Variants in VEGFC observed in about 807,000 individuals in gnomAD.
The protein encoded by VEGFC is vascular endothelial growth factor C.
A neutral mutation model predicts 46.1 loss-of-function variants in VEGFC; 12 were observed. The ratio of observed to expected loss-of-function variants is 0.26; its 90% confidence interval spans 0.17 to 0.42. VEGFC has a LOEUF of 0.42. Ranked by LOEUF, VEGFC falls within the 10% of genes least tolerant of loss-of-function variation. The pLI, the probability that VEGFC is intolerant of heterozygous loss-of-function variation, is 1.00. For synonymous variants in VEGFC, 232 were observed against 195.5 expected (o/e 1.19, Z -1.56); for missense variants, 488 against 529.4 (o/e 0.92, Z 0.77).
At chr4:176,787,260 C>A (rs115983862) in intron 1 of VEGFC, among the ~76,000 whole-genome samples, 2,094 of 151,898 alleles carry the variant, frequency 0.014, 37 homozygotes, top group Middle Eastern at 0.11. Flanking sequence ...AGTTTGAAAC[C>A]AGCTTCGCCT....
At chr4:176,785,203 GA>G (rs1215610029) in intron 1 of VEGFC, among the ~76,000 whole-genome samples, 1 of 152,198 alleles carries the variant, frequency 6.6e-6, no homozygotes, top group Non-Finnish European at 1.5e-5. Flanking sequence ...ATTTAGGGAT[GA>G]AGTTTTAGGT....
At chr4:176,711,231 T>C (rs1734614739) in intron 4 of VEGFC, among the ~76,000 whole-genome samples, 1 of 152,202 alleles carries the variant, frequency 6.6e-6, no homozygotes, top group African/African-American at 2.4e-5. Flanking sequence ...TACTGATATT[T>C]TATGAACACT....
At chr4:176,780,136 T>C (rs1225612145) in intron 1 of VEGFC, among the ~76,000 whole-genome samples, 4 of 152,028 alleles carry the variant, frequency 2.6e-5, no homozygotes, top group Non-Finnish European at 5.9e-5. Flanking sequence ...TCCCAACACT[T>C]TGGGAGGCAG....
Position 176,709,257 on chromosome 4 carries a change from C to T in VEGFC, c.704+2242G>A, listed in dbSNP as rs1734582882. On this transcript the variant is annotated intron_variant, in intron 4 of 6. Transcript: ENST00000618562. ...AAAATAAGGCAAATGCTGCTGCTGA[C>T]CTTCTAGATGATTTTGTTAAGGGTT... is the stretch of plus-strand genomic sequence containing the variant. Among the ~76,000 whole-genome samples, 7 of 152,234 alleles carry T rather than the reference C, an allele frequency of 4.6e-5. 1 individual carries two copies. The South Asian group carries it at 1.5e-3, about 32-fold the overall frequency.
chr4:176,687,118 G>C lies in VEGFC; in HGVS notation c.1145+69C>G, dbSNP rs1734054837. The C allele has an allele frequency of 7.3e-6, 11 of 1,502,878 alleles. No homozygotes were observed. The South Asian group carries it at 1.2e-4, about 16-fold the overall frequency. The allele number at this position is 1,502,878 out of a possible 1,614,324, so 93.1% of individuals were successfully genotyped here. A position where few individuals can be genotyped will look rare whatever the true frequency, so the allele number is the denominator to read the frequency against. On this transcript the variant is annotated intron_variant, in intron 6 of 6. Coordinates refer to ENST00000618562, the MANE Select transcript of VEGFC (RefSeq NM_005429.5). ...AACAAGCAATTGTTACTTTGGTTAA[G>C]AAAACTGCTTTTGGTTTAGAGCATA...
chr4:176,684,685 A>G (rs1185617243), intron 6 of VEGFC, among the ~76,000 whole-genome samples: 1 of 152,096 alleles, frequency 6.6e-6, no homozygotes, highest in Non-Finnish European at 1.5e-5. Flanking sequence ...AGGACAAATT[A>G]TCAATTGGTC....
intron 1 of VEGFC, among the ~76,000 whole-genome samples, chr4:176,755,837 T>C (rs1735424058): frequency 6.6e-6 from 1 of 152,060 alleles, no homozygotes; most frequent in African/African-American, 2.4e-5. Context: ...TGATGACTCA[T>C]CTAAACAGCT....
At chr4:176,760,235 A>G (rs1735506131) in intron 1 of VEGFC, among the ~76,000 whole-genome samples, 1 of 152,162 alleles carries the variant, frequency 6.6e-6, no homozygotes, top group Admixed American at 6.6e-5. Flanking sequence ...ATATTTTAAG[A>G]TATTTATGCT....
chr4:176,792,463 G>A lies in VEGFC; in HGVS notation c.-152C>T, dbSNP rs1175460750. ...GGGCGAGCCGGAGGCGGCGGGAGCG[G>A]GTCCGGGGCTCCGCGTTCCCAACTT... On this transcript the variant is annotated 5_prime_UTR_variant, in exon 1 of 7. Transcript: ENST00000618562. The surrounding 1 kb of genome is among the most constrained non-coding windows in gnomAD (Gnocchi z 6.3). The A allele has an allele frequency of 9.7e-6, 5 of 515,464 alleles. No individual in the cohort carries two copies. The highest frequency in any genetic ancestry group is 3.7e-5 in the East Asian group (1 of 27,376). 31.9% of individuals were successfully genotyped at this position (515,464 alleles called of 1,614,324 possible). A position where few individuals can be genotyped will look rare whatever the true frequency, so the allele number is the denominator to read the frequency against.
At chr4:176,752,897 G>A (rs1325610593) in intron 1 of VEGFC, among the ~76,000 whole-genome samples, 2 of 152,104 alleles carry the variant, frequency 1.3e-5, no homozygotes, top group East Asian at 3.9e-4. Context: ...GATAACAACA[G>A]TACCTATAAT....
At chr4:176,770,316 C>T (rs1412939427) in intron 1 of VEGFC, among the ~76,000 whole-genome samples, 1 of 152,152 alleles carries the variant, frequency 6.6e-6, no homozygotes, top group Admixed American at 6.6e-5. Flanking sequence ...AATTTCTTCT[C>T]AAAACATGTT....
At chr4:176,692,765 C>G (rs370956948) in intron 4 of VEGFC, among the ~76,000 whole-genome samples, 6 of 148,030 alleles carry the variant, frequency 4.1e-5, no homozygotes, top group South Asian at 4.2e-4. Flanking sequence ...TCTCCCAGCA[C>G]GCAGCTGGAG....
At chr4:176,694,979 A>G (rs1399664856) in intron 4 of VEGFC, among the ~76,000 whole-genome samples, 20 of 138,488 alleles carry the variant, frequency 1.4e-4, no homozygotes, top group Admixed American at 1.0e-3. Flanking sequence ...CATTCAAAGC[A>G]GTGTGTAGAG....
At chr4:176,791,465 AAAAC>A (rs1474409907) in intron 1 of VEGFC, among the ~76,000 whole-genome samples, 5 of 152,268 alleles carry the variant, frequency 3.3e-5, no homozygotes, top group African/African-American at 9.6e-5. Flanking sequence ...AAAAGAAAAC[AAAAC>A]AAACAAAAAA....
At chr4:176,686,091 A>G (rs1734037220) in intron 6 of VEGFC, among the ~76,000 whole-genome samples, 1 of 152,210 alleles carries the variant, frequency 6.6e-6, no homozygotes, top group African/African-American at 2.4e-5. Flanking sequence ...AATCCAGTGA[A>G]AGTGATTAAA....
At chr4:176,780,596 G>A (rs1735898960) in intron 1 of VEGFC, among the ~76,000 whole-genome samples, 1 of 152,002 alleles carries the variant, frequency 6.6e-6, no homozygotes, top group Non-Finnish European at 1.5e-5. Context: ...TTTAAATCAG[G>A]CATATGTGTC....
At chr4:176,764,553 C>G (rs1382825048) in intron 1 of VEGFC, among the ~76,000 whole-genome samples, 1 of 152,092 alleles carries the variant, frequency 6.6e-6, no homozygotes. Flanking sequence ...TCTCATAGTG[C>G]AGAGGTTACA....
chr4:176,792,091 G>T lies in VEGFC; in HGVS notation c.147+74C>A. 2.1e-6 allele frequency: 3 copies of T among 1,398,540 alleles called. No individual in the cohort carries two copies. The highest frequency in any genetic ancestry group is 1.9e-6 in the Non-Finnish European group (2 of 1,071,044). The allele number at this position is 1,398,540 out of a possible 1,614,324, so 86.6% of individuals were successfully genotyped here. A position where few individuals can be genotyped will look rare whatever the true frequency, so the allele number is the denominator to read the frequency against. The stretch of plus-strand genomic sequence containing the variant: ...GCTTAAAGCACACACACTTTCCCCC[G>T]CGCAGGTTCTCGGGTCCGCCGCAGA... On this transcript the variant is annotated intron_variant, in intron 1 of 6. Coordinates refer to ENST00000618562, the MANE Select transcript of VEGFC (RefSeq NM_005429.5). This position sits in a 1 kb window ranked among gnomAD's most constrained non-coding sequence, Gnocchi z 6.3.
At chr4:176,749,061 C>A (rs1003235325) in intron 1 of VEGFC, among the ~76,000 whole-genome samples, 1 of 151,926 alleles carries the variant, frequency 6.6e-6, no homozygotes, top group Non-Finnish European at 1.5e-5. Flanking sequence ...TCAACCTAAA[C>A]TTAGATAATG....
Sources: allele counts gnomAD v4.1 joint callset (sites outside exome capture counted in the v4.1 genomes callset), GRCh38; gene constraint gnomAD v4.1.1; non-coding constraint Gnocchi (gnomAD v3.1); transcripts MANE v1.5; gene names NCBI Gene and HGNC (gene_info 2026-07-23, HGNC 2026-07-21).